Variants in KIF20B observed in about 807,000 individuals in gnomAD.
KIF20B encodes kinesin family member 20B.
A neutral mutation model predicts 232.5 loss-of-function variants in KIF20B; 188 were observed. The ratio of observed to expected loss-of-function variants is 0.81; its 90% confidence interval spans 0.72 to 0.91. The LOEUF is 0.91. KIF20B is among the 40% of genes least tolerant of loss of function. The probability of loss-of-function intolerance (pLI) is 0.00; values close to 1 mark genes in which losing one functional copy is unlikely to be tolerated. For synonymous variants in KIF20B, 712 were observed against 683.0 expected, an observed-to-expected ratio of 1.04 and a Z score of -0.66; for missense variants, 2,154 against 2,055.9, an observed-to-expected ratio of 1.05 and a Z score of -0.92.
chr10:89,728,663 C>T (rs926303815), intron 17 of KIF20B, among the ~76,000 whole-genome samples: 5 of 151,938 alleles, frequency 3.3e-5, no homozygotes, highest in Middle Eastern at 3.2e-3. Context: ...CCACCACCCC[C>T]GGCTGATTTT....
intron 21 of KIF20B, among the ~76,000 whole-genome samples, chr10:89,740,867 C>A (rs1470030080): frequency 1.3e-5 from 2 of 152,078 alleles, no homozygotes; most frequent in African/African-American, 4.8e-5. Context: ...TTTATTGCTA[C>A]TTATAGAGGT....
At chr10:89,704,402 G>C (rs1348412124) in intron 1 of KIF20B, among the ~76,000 whole-genome samples, 2 of 152,080 alleles carry the variant, frequency 1.3e-5, no homozygotes, top group African/African-American at 4.8e-5. Flanking sequence ...TTAGTGATTT[G>C]ATGTTTAATT....
chr10:89,736,377 G>C (rs769750654), intron 19 of KIF20B, among the ~76,000 whole-genome samples: 2 of 152,088 alleles, frequency 1.3e-5, no homozygotes, highest in Admixed American at 6.6e-5. Flanking sequence ...AAGTTTAAAA[G>C]AATATAATTT....
At chr10:89,763,320 T>C (rs541297193) in intron 29 of KIF20B, among the ~76,000 whole-genome samples, 3 of 152,110 alleles carry the variant, frequency 2.0e-5, no homozygotes, top group Non-Finnish European at 2.9e-5. Context: ...GGTCTTCAGA[T>C]AAAAAGCTAT....
chr10:89,704,618 G>A (rs949239420), intron 1 of KIF20B, among the ~76,000 whole-genome samples: 31 of 151,538 alleles, frequency 2.0e-4, no homozygotes, highest in East Asian at 5.8e-4. Context: ...GTGCAGTGGC[G>A]CGATCGCGAT....
In KIF20B at chr10:89,743,927, G is replaced by GTT. The variant is rs1331977839; in HGVS notation, c.4035_4035+1insTT (p.Glu1346LeufsTer4). 1.3e-6 allele frequency: 2 copies of GTT among 1,578,820 alleles called. No individual in the cohort carries two copies. Among genetic ancestry groups the GTT allele is most frequent in the Middle Eastern group, 1.7e-4 (1 of 5,990 alleles). On this transcript the variant is annotated frameshift_variant and splice_region_variant. Transcript: ENST00000371728. LOFTEE classifies it high-confidence loss of function. ...AACAGCGAACCATTCAGCAACTCAAGGTAAACAGTTTTGTTTTTAAAGATG... is the reference window on the plus strand; with the variant it reads ...AACAGCGAACCATTCAGCAACTCAAGTTGTAAACAGTTTTGTTTTTAAAGATG...
chr10:89,743,031 A>T (rs962542784), intron 21 of KIF20B, among the ~76,000 whole-genome samples: 1 of 151,972 alleles, frequency 6.6e-6, no homozygotes, highest in Non-Finnish European at 1.5e-5. Context: ...GCATCTTTTC[A>T]TTTAATTTCC....
chr10:89,710,928 T>C, intron 5 of KIF20B, 33 bp from the exon 6 acceptor site: 1 of 1,560,690 alleles, frequency 6.4e-7, no homozygotes, highest in Non-Finnish European at 8.7e-7. Context: ...CCTAGTAGAC[T>C]GAGAGAGTAT....
intron 17 of KIF20B, among the ~76,000 whole-genome samples, 199 bp from the exon 18 acceptor site, chr10:89,728,905 TTGTGTGTGTGTGTGTGTGTGTGTG>T (rs71022581): frequency 2.9e-5 from 4 of 138,024 alleles, no homozygotes; most frequent in East Asian, 2.1e-4. Flanking sequence ...TCTTTTTTCT[TTGTGTGTGTGTGTGTGTGTGTGTG>T]TGTGTGTGTG....
In KIF20B at chr10:89,714,954, G is replaced by T; in HGVS notation, c.713-1G>T. On this transcript the variant is annotated splice_acceptor_variant, in intron 7 of 32. Transcript: ENST00000371728. LOFTEE classifies it high-confidence loss of function. ...GTTTTTTCTTTTTCTTTTTTTTGTA[G>T]GAAGTTTAACTAACTCTTTGAATAT... 2 of 1,499,318 alleles carry T rather than the reference G, an allele frequency of 1.3e-6. No homozygotes were observed. The highest frequency in any genetic ancestry group is 1.3e-5 in the South Asian group (1 of 79,640). The allele number at this position is 1,499,318 out of a possible 1,614,324, so 92.9% of individuals were successfully genotyped here. A position where few individuals can be genotyped will look rare whatever the true frequency, so the allele number is the denominator to read the frequency against.
intron 29 of KIF20B, chr10:89,766,363 A>C (rs1413353920): frequency 4.5e-5 from 7 of 154,036 alleles, no homozygotes; most frequent in Admixed American, 2.0e-4. Context: ...AGAAGGCTTC[A>C]GACGATCAAA....
intron 21 of KIF20B, among the ~76,000 whole-genome samples, chr10:89,739,683 T>G (rs1227916003): frequency 6.7e-6 from 1 of 150,016 alleles, no homozygotes; most frequent in African/African-American, 2.5e-5. Flanking sequence ...TTTTAAACTT[T>G]GAGGTAGTTA....
At chr10:89,769,652 T>C (rs1043279151) in intron 31 of KIF20B, among the ~76,000 whole-genome samples, 6 of 151,458 alleles carry the variant, frequency 4.0e-5, no homozygotes, top group African/African-American at 9.7e-5. Flanking sequence ...TGTGGACATA[T>C]TGATACCTGT....
At chr10:89,704,415 A>G (rs920984735) in intron 1 of KIF20B, among the ~76,000 whole-genome samples, 12 of 152,232 alleles carry the variant, frequency 7.9e-5, no homozygotes, top group Non-Finnish European at 4.4e-5. Flanking sequence ...GTTTAATTCA[A>G]TGGTAATAGT....
chr10:89,704,026 C>T (rs1180756787), intron 1 of KIF20B, among the ~76,000 whole-genome samples: 1 of 152,162 alleles, frequency 6.6e-6, no homozygotes, highest in African/African-American at 2.4e-5. Flanking sequence ...GCTGGGATTA[C>T]AGGTGTGAGC....
At position 89,752,594 on chromosome 10, in the gene KIF20B, A is replaced by G. The variant is rs551478794; in HGVS notation, c.4250A>G (p.Asn1417Ser). 3.1e-6 allele frequency: 5 copies of G among 1,604,072 alleles called. No homozygotes were observed. In the South Asian group the frequency reaches 4.5e-5, roughly 14 times the overall value. ...TTGGAAAAATGGAAGGAAAAATGCA[A>G]TGATTTGGAAACCAAAAACAATCAA... ...TELEKWKEKCNDLETKNNQRS... is the reference protein window; with the variant it reads ...TELEKWKEKCSDLETKNNQRS... The change falls in exon 25 of 33, where the codon AAT becomes AGT. Residue 1417 changes from asparagine (N) to serine (S), a missense_variant. Coordinates refer to ENST00000371728, the MANE Select transcript of KIF20B (RefSeq NM_001284259.2).
intron 29 of KIF20B, among the ~76,000 whole-genome samples, chr10:89,764,468 C>T (rs1842311345): frequency 6.6e-6 from 1 of 152,164 alleles, no homozygotes; most frequent in South Asian, 2.1e-4. Context: ...TGGGAATCGC[C>T]ACACTGACTT....
intron 9 of KIF20B, 131 bp from the exon 10 acceptor site, chr10:89,717,293 C>G: frequency 3.4e-6 from 2 of 591,702 alleles, no homozygotes; most frequent in South Asian, 5.5e-5. Context: ...TATTTAACAG[C>G]TAATTGGAAA....
chr10:89,703,010 A>G (rs1842643571), intron 1 of KIF20B, among the ~76,000 whole-genome samples: 2 of 152,220 alleles, frequency 1.3e-5, no homozygotes, highest in South Asian at 2.1e-4. Flanking sequence ...TCATTGAAAA[A>G]TGAGCATATG....
Sources: allele counts gnomAD v4.1 joint callset (sites outside exome capture counted in the v4.1 genomes callset), GRCh38; gene constraint gnomAD v4.1.1; transcripts MANE v1.5; gene names NCBI Gene and HGNC (gene_info 2026-07-23, HGNC 2026-07-21).